Variants in SYNE2 observed in about 807,000 individuals in gnomAD.
SYNE2 encodes spectrin repeat containing nuclear envelope protein 2.
SYNE2 carries 431 observed loss-of-function variants against 856.3 expected under a neutral mutation model. The observed-to-expected ratio is 0.50, with a 90% CI of 0.47 to 0.55. SYNE2 has a LOEUF of 0.55. Among genes scored for constraint, SYNE2 ranks in the 20% least tolerant of loss-of-function variants. SYNE2 has a pLI of 0.00. For synonymous variants in SYNE2, 2,923 were observed against 2,872.3 expected, an observed-to-expected ratio of 1.02 and a Z score of -0.56; for missense variants, 8,129 against 8,023.2, an observed-to-expected ratio of 1.01 and a Z score of -0.50.
Position 64,022,777 on chromosome 14 carries a change from T to C in SYNE2, c.5551T>C (p.Phe1851Leu), listed in dbSNP as rs1445064527. Residue 1851 changes from phenylalanine (F) to leucine (L), a missense_variant, in exon 38 of 116, where the codon TTC becomes CTC. By Grantham distance (22) the Phe-to-Leu change is conservative. Around this residue, in one of 3 missense-constraint regions of SYNE2, gnomAD observed 2,422 missense variants for 2,357.4 expected, o/e 1.03. Coordinates refer to ENST00000555002, the MANE Select transcript of SYNE2 (RefSeq NM_182914.3). ...TCAATGCAAGAACTTTAATGACTGG[T>C]TCAGCAACATTAAAGTGAACCTTAA... is the stretch of plus-strand genomic sequence containing the variant. ...NDQCKNFNDW[F>L]SNIKVNLKEC... 6.2e-7 allele frequency: 1 copy of C among 1,606,944 alleles called. No individual in the cohort carries two copies. The highest frequency in any genetic ancestry group is 2.2e-5 in the East Asian group (1 of 44,790).
chr14:64,055,676 C>T (rs1018153503), intron 48 of SYNE2, among the ~76,000 whole-genome samples: 58 of 152,008 alleles, frequency 3.8e-4, no homozygotes, highest in African/African-American at 1.4e-3. Flanking sequence ...CTGGAAACAA[C>T]TTTTTTAATA....
chr14:64,202,857 G>A lies in SYNE2; in HGVS notation c.18095G>A (p.Ser6032Asn), dbSNP rs774323363. ...AFIQQLDKNM[S>N]NLRTWLARIE... Reference sequence around the variant, plus strand: ...ATTCAGCAGTTGGACAAAAACATGAGCAACCTTCGCACCTGGTTGGCTCGA... The same window carrying A: ...ATTCAGCAGTTGGACAAAAACATGAACAACCTTCGCACCTGGTTGGCTCGA... The change falls in exon 100 of 116, where the codon AGC (serine) becomes AAC (asparagine). Residue 6032 changes from serine (S) to asparagine (N), a missense_variant. Physicochemically the swap from Ser to Asn is conservative, Grantham distance 46 (BLOSUM62 1). Around this residue, in one of 3 missense-constraint regions of SYNE2, gnomAD observed 5,410 missense variants for 5,284.8 expected, o/e 1.02. Coordinates refer to ENST00000555002, the MANE Select transcript of SYNE2 (RefSeq NM_182914.3). 6.2e-7 allele frequency: 1 copy of A among 1,614,024 alleles called. No individual in the cohort carries two copies. Among genetic ancestry groups the A allele is most frequent in the African/African-American group, 1.3e-5 (1 of 74,896 alleles).
At position 64,065,470 on chromosome 14, in the gene SYNE2, A is replaced by G. The variant is rs1221672789; in HGVS notation, c.10251A>G (p.Leu3417=). 1 of 1,614,198 alleles carries G rather than the reference A, an allele frequency of 6.2e-7. No individual in the cohort carries two copies. Among genetic ancestry groups the G allele is most frequent in the Admixed American group, 1.7e-5 (1 of 60,026 alleles). The change falls in exon 51 of 116, where the codon TTA becomes TTG. Residue 3417 remains leucine, a synonymous_variant. Transcript: ENST00000555002. Reference sequence around the variant, plus strand: ...ATCTTATATCAACCAAAGAAGAGTTAATGAAACTACGACAGATCCTTAGAC... The same window carrying G: ...ATCTTATATCAACCAAAGAAGAGTTGATGAAACTACGACAGATCCTTAGAC... ...VSNLISTKEE[L]MKLRQILRLL...
At chr14:63,974,403 CAGAG>C (rs975915496) in intron 11 of SYNE2, among the ~76,000 whole-genome samples, 1 of 152,034 alleles carries the variant, frequency 6.6e-6, no homozygotes, top group Non-Finnish European at 1.5e-5. Flanking sequence ...GCGAGAGAGA[CAGAG>C]AGAGAAAGGA....
rs1402323211 is a variant in SYNE2 at position 63,998,945 on chromosome 14, C to T, written c.3385C>T (p.His1129Tyr). 2 of 1,613,928 alleles carry T rather than the reference C, an allele frequency of 1.2e-6. No homozygotes were observed. The highest frequency in any genetic ancestry group is 1.7e-5 in the Admixed American group (1 of 60,008). The change falls in exon 27 of 116, where the codon CAC (histidine) becomes TAC (tyrosine). Residue 1129 changes from histidine (H) to tyrosine (Y), a missense_variant. Transcript: ENST00000555002. ...YDTYRDILEH[H>Y]LQNNKFRITS... ...TACATACAGAGATATTCTTGAACACCACCTGCAAAACAACAAATTCAGGAT... is the reference window on the plus strand; with the variant it reads ...TACATACAGAGATATTCTTGAACACTACCTGCAAAACAACAAATTCAGGAT...
At chr14:63,974,884 G>GTA (rs1261730365) in intron 11 of SYNE2, among the ~76,000 whole-genome samples, 2 of 27,290 alleles carry the variant, frequency 7.3e-5, no homozygotes, top group South Asian at 2.3e-3. Context: ...GTGTGTGTGT[G>GTA]TGTGTGTGTA....
rs185652618 is a variant in SYNE2, at chr14:64,177,263, A to G, written c.17431-95A>G. The G allele has an allele frequency of 2.4e-3, 3,683 of 1,505,528 alleles. 26 individuals carry two copies. The highest frequency in any genetic ancestry group is 0.013 in the South Asian group (1,087 of 86,024). The allele number at this position is 1,505,528 out of a possible 1,614,324, so 93.3% of individuals were successfully genotyped here. A position where few individuals can be genotyped will look rare whatever the true frequency, so the allele number is the denominator to read the frequency against. On this transcript the variant is annotated intron_variant, in intron 95 of 115. Transcript: ENST00000555002. ...GTGTGATTTATTAAAAACAAACTTA[A>G]TAGAAAGATTATGTGGATTAAATGA...
intron 11 of SYNE2, among the ~76,000 whole-genome samples, chr14:63,968,177 A>G (rs762504360): frequency 1.3e-5 from 2 of 151,992 alleles, no homozygotes; most frequent in African/African-American, 2.4e-5. Flanking sequence ...AAAAAAGAAC[A>G]TTTTCAAAGG....
rs772161701 is a variant in SYNE2 at position 64,126,367 on chromosome 14, A to C, written c.13595A>C (p.Lys4532Thr). 5.0e-6 allele frequency: 8 copies of C among 1,614,020 alleles called. No individual in the cohort carries two copies. The South Asian group carries it at 7.7e-5, about 16-fold the overall frequency. The change falls in exon 72 of 116, where the codon AAA (lysine) becomes ACA (threonine). Residue 4532 changes from lysine (K) to threonine (T), a missense_variant. Lys to Thr is a moderately conservative substitution (Grantham distance 78). Around this residue, in one of 3 missense-constraint regions of SYNE2, gnomAD observed 5,410 missense variants for 5,284.8 expected, o/e 1.02. Coordinates refer to ENST00000555002, the MANE Select transcript of SYNE2 (RefSeq NM_182914.3). ...TEEAYINLDK[K>T]LFELFLTLSQ... The stretch of plus-strand genomic sequence containing the variant: ...GAAGCATATATCAATTTGGATAAAA[A>C]ATTGTTTGAACTATTCCTGACCCTC...
At position 64,140,072 on chromosome 14, in the gene SYNE2, T is replaced by G. The variant is rs780875684; in HGVS notation, c.14975T>G (p.Phe4992Cys). 10 of 1,613,098 alleles carry G rather than the reference T, an allele frequency of 6.2e-6. No homozygotes were observed. In the East Asian group the frequency reaches 1.8e-4, roughly 29 times the overall value. ...ATCAGAAGCAACATCAACAATTTTT[T>G]TGTAAGTTGTAATAGCATATGTTCA... Reference protein sequence around the residue: ...DTIRSNINNFFEFSKEVDEKS... With the variant: ...DTIRSNINNFCEFSKEVDEKS... The change falls in exon 80 of 116, where the codon TTT (phenylalanine) becomes TGT (cysteine). Residue 4992 changes from phenylalanine to cysteine, a missense_variant and splice_region_variant. By Grantham distance (205) the Phe-to-Cys change is radical. This residue lies in a region of SYNE2 where 5,410 missense variants were observed against 5,284.8 expected (regional missense o/e 1.02). Transcript: ENST00000555002.
At chr14:64,161,262 T>G (rs567393026) in intron 87 of SYNE2, among the ~76,000 whole-genome samples, 1 of 151,712 alleles carries the variant, frequency 6.6e-6, no homozygotes, top group East Asian at 1.9e-4. Flanking sequence ...GAGGATCACT[T>G]AAGCCCAGGA....
At chr14:64,001,787 A>T in intron 28 of SYNE2, 147 bp from the exon 29 acceptor site, 1 of 876,682 alleles carries the variant, frequency 1.1e-6, no homozygotes, top group Non-Finnish European at 1.9e-6. Flanking sequence ...TTTAGGTATT[A>T]ATGTGATAAT....
At chr14:64,131,241 A>G (rs1189020385) in intron 76 of SYNE2, among the ~76,000 whole-genome samples, 1 of 152,166 alleles carries the variant, frequency 6.6e-6, no homozygotes, top group Non-Finnish European at 1.5e-5. Context: ...AAACGTCTCT[A>G]TGTATATGTC....
rs1490218328 is a variant in SYNE2 at position 64,163,503 on chromosome 14, C to G, written c.16401C>G (p.Leu5467=). 6.2e-7 allele frequency: 1 copy of G among 1,614,150 alleles called. No individual in the cohort carries two copies. The highest frequency in any genetic ancestry group is 8.5e-7 in the Non-Finnish European group (1 of 1,180,028). Residue 5467 remains leucine (L), a synonymous_variant, in exon 89 of 116, where the codon CTC becomes CTG. Transcript: ENST00000555002. ...CCGCAGAGTCCAGCACCCACATGCT[C>G]CTCCCGGGCCCCCTGCACTCTCTCC... is the stretch of plus-strand genomic sequence containing the variant. The part of the protein sequence containing the change: ...PQPAESSTHM[L]LPGPLHSLQR...
At chr14:64,190,958 C>T (rs1248463516) in intron 99 of SYNE2, 2 of 702,210 alleles carry the variant, frequency 2.8e-6, no homozygotes, top group African/African-American at 3.5e-5. Context: ...ACGTGGCATA[C>T]AGCGAACCGT....
At chr14:64,011,948 C>G (rs1567047222) in intron 32 of SYNE2, among the ~76,000 whole-genome samples, 1 of 152,274 alleles carries the variant, frequency 6.6e-6, no homozygotes, top group East Asian at 1.9e-4. Context: ...ATAACTGGAC[C>G]TCACCTCTGT....
chr14:63,868,769 C>G (rs1192989898), intron 1 of SYNE2, among the ~76,000 whole-genome samples: 1 of 151,932 alleles, frequency 6.6e-6, no homozygotes, highest in Non-Finnish European at 1.5e-5. Context: ...TTTGTAATAA[C>G]AAAAATTCCT....
intron 111 of SYNE2, 151 bp from the exon 112 acceptor site, chr14:64,221,425 G>A: frequency 7.1e-7 from 1 of 1,399,044 alleles, no homozygotes; most frequent in South Asian, 1.3e-5. Flanking sequence ...TTGGGGCCCT[G>A]GCATTTAGTT....
chr14:63,963,635 T>C (rs1210023140), intron 9 of SYNE2, among the ~76,000 whole-genome samples: 1 of 152,218 alleles, frequency 6.6e-6, no homozygotes, highest in African/African-American at 2.4e-5. Context: ...AGAAGTGATT[T>C]AGAATAATGT....
Sources: gnomAD v4.1 joint callset for allele counts (sites outside exome capture counted in the v4.1 genomes callset) on GRCh38, gnomAD v4.1.1 for gene constraint, gnomAD v4.1.1 regional missense constraint, MANE v1.5 for transcripts, NCBI Gene and HGNC (gene_info 2026-07-23, HGNC 2026-07-21) for gene names.